The following SPAG17 variants were observed in gnomAD, a reference collection of about 807,000 sequenced individuals.
The protein encoded by SPAG17 is sperm associated antigen 17.
Under a neutral mutation model 273.6 loss-of-function variants are expected in SPAG17, and 169 were observed. That is an observed-to-expected ratio of 0.62 (90% CI 0.55 to 0.70). The LOEUF is 0.70. Ranked by LOEUF, SPAG17 falls within the 30% of genes least tolerant of loss-of-function variation. The pLI is 0.00. For synonymous variants in SPAG17, 825 were observed against 873.2 expected (o/e 0.94, Z 0.97); for missense variants, 2,557 against 2,627.8 (o/e 0.97, Z 0.59).
In SPAG17 at chr1:117,966,670, G is replaced by A; in HGVS notation, c.6471C>T (p.His2157=). The change falls in exon 47 of 49, where the codon CAC becomes CAT. Residue 2157 remains histidine, a synonymous_variant. Transcript: ENST00000336338. Reference sequence around the variant, plus strand: ...TCATAATCTCGATATTGTGAGAGATGTGTGCTGATCCCTTGGCCCCATCCT... The same window carrying A: ...TCATAATCTCGATATTGTGAGAGATATGTGCTGATCCCTTGGCCCCATCCT... ...VGEDGAKGSA[H]ISHNIEIMTE... is the part of the protein sequence containing the mutation. 1 of 1,613,890 alleles carries A rather than the reference G, an allele frequency of 6.2e-7. No homozygotes were observed. Among genetic ancestry groups the A allele is most frequent in the Non-Finnish European group, 8.5e-7 (1 of 1,179,854 alleles).
At chr1:118,086,471 A>C (rs996408838) in intron 12 of SPAG17, among the ~76,000 whole-genome samples, 200 bp downstream of exon 12, 16 of 152,206 alleles carry the variant, frequency 1.1e-4, no homozygotes, top group African/African-American at 3.9e-4. Flanking sequence ...CTCAATAATC[A>C]GGCAAATTTC....
At chr1:117,964,227 G>T in intron 47 of SPAG17, 14 of 175,284 alleles carry the variant, frequency 8.0e-5, no homozygotes, top group East Asian at 2.7e-4. Context: ...ATCTACATCA[G>T]ATTTCATGCT....
At chr1:118,098,484 A>G (rs1655856049) in intron 6 of SPAG17, among the ~76,000 whole-genome samples, 1 of 151,818 alleles carries the variant, frequency 6.6e-6, no homozygotes, top group Non-Finnish European at 1.5e-5. Flanking sequence ...ATTCTATTAT[A>G]AAGTCTATTT....
intron 43 of SPAG17, among the ~76,000 whole-genome samples, chr1:117,978,094 A>G (rs528993525): frequency 3.0e-4 from 45 of 152,272 alleles, no homozygotes; most frequent in African/African-American, 1.1e-3. Flanking sequence ...CTTCTAGCTT[A>G]TTATTCTGTC....
intron 4 of SPAG17, among the ~76,000 whole-genome samples, chr1:118,113,544 A>C (rs1373873529): frequency 1.3e-5 from 2 of 152,008 alleles, no homozygotes. Context: ...TTTATTTAGC[A>C]CTTACTCATA....
chr1:118,172,183 G>C (rs1299752356), intron 1 of SPAG17, among the ~76,000 whole-genome samples: 1 of 152,140 alleles, frequency 6.6e-6, no homozygotes, highest in Non-Finnish European at 1.5e-5. Flanking sequence ...TATTATAGTA[G>C]ATGTTTCCAA....
chr1:118,183,400 C>A (rs1345481454), intron 1 of SPAG17, among the ~76,000 whole-genome samples: 1 of 152,054 alleles, frequency 6.6e-6, no homozygotes, highest in Non-Finnish European at 1.5e-5. Flanking sequence ...GGGAATTATT[C>A]TTTTAGATCA....
chr1:118,056,696 G>A (rs1383091259), intron 18 of SPAG17, among the ~76,000 whole-genome samples: 1 of 152,126 alleles, frequency 6.6e-6, no homozygotes, highest in East Asian at 1.9e-4. Flanking sequence ...AAAGCTAGAT[G>A]GCTTATATAC....
At position 118,091,413 on chromosome 1, in the gene SPAG17, C is replaced by T. The variant is rs369576707; in HGVS notation, c.1359+193G>A. Among the ~76,000 whole-genome samples the T allele has an allele frequency of 1.1e-4, 17 of 152,214 alleles. No homozygotes were observed. In the South Asian group the frequency reaches 1.2e-3, roughly 11 times the overall value. ...GAATGTTACATAAATGGCTTCAGAG[C>T]ATAGCAAAAGAAAAGAGAATTGAAG... On this transcript the variant is annotated intron_variant, in intron 10 of 48. Coordinates refer to ENST00000336338, the MANE Select transcript of SPAG17 (RefSeq NM_206996.4).
chr1:118,173,725 G>T (rs915089775), intron 1 of SPAG17, among the ~76,000 whole-genome samples: 3 of 152,048 alleles, frequency 2.0e-5, no homozygotes, highest in Non-Finnish European at 2.9e-5. Context: ...AGCTGGGTGT[G>T]GTGGCATATA....
intron 7 of SPAG17, 73 bp from the exon 8 acceptor site, chr1:118,093,390 T>TG: frequency 7.1e-7 from 1 of 1,416,362 alleles, no homozygotes; most frequent in Non-Finnish European, 9.5e-7. Context: ...GGTATATATC[T>TG]CTTAACAGTT....
At chr1:117,962,602 T>G (rs1269014554) in intron 48 of SPAG17, 1 of 152,024 alleles carries the variant, frequency 6.6e-6, no homozygotes, top group African/African-American at 2.4e-5. Flanking sequence ...TTTAGGCTTA[T>G]TTTTAAAAAT....
At chr1:118,006,458 T>C (rs1172931423) in intron 31 of SPAG17, among the ~76,000 whole-genome samples, 1 of 152,266 alleles carries the variant, frequency 6.6e-6, no homozygotes, top group African/African-American at 2.4e-5. Flanking sequence ...TAATATTCCA[T>C]TGTATGGCTA....
chr1:118,051,085 C>T (rs545505261), intron 20 of SPAG17, among the ~76,000 whole-genome samples: 7 of 151,882 alleles, frequency 4.6e-5, no homozygotes, highest in Non-Finnish European at 1.0e-4. Flanking sequence ...GCAAAGGACC[C>T]GAGCAGACAT....
chr1:118,159,437 A>G (rs972492666), intron 1 of SPAG17, among the ~76,000 whole-genome samples: 1 of 152,174 alleles, frequency 6.6e-6, no homozygotes, highest in African/African-American at 2.4e-5. Flanking sequence ...AAAATTATGA[A>G]TCTATTAATA....
chr1:117,984,814 A>G lies in SPAG17; in HGVS notation c.5670-32T>C, dbSNP rs1181749411. 7 of 1,356,054 alleles carry G rather than the reference A, an allele frequency of 5.2e-6. No individual in the cohort carries two copies. The East Asian group carries it at 6.9e-5, about 13-fold the overall frequency. 84.0% of individuals were successfully genotyped at this position (1,356,054 alleles called of 1,614,324 possible). ...GATGTTTCCATGATGATGCAAAAGAAGACATAGAATATTTTAAAGTGTTGT... is the reference window on the plus strand; with the variant it reads ...GATGTTTCCATGATGATGCAAAAGAGGACATAGAATATTTTAAAGTGTTGT... On this transcript the variant is annotated intron_variant, in intron 40 of 48. Transcript: ENST00000336338.
chr1:118,084,395 G>A (rs1654831426), intron 13 of SPAG17, among the ~76,000 whole-genome samples: 1 of 152,200 alleles, frequency 6.6e-6, no homozygotes, highest in Admixed American at 6.5e-5. Context: ...ATGCTTCCTT[G>A]TCAAGTAAAG....
Position 118,128,126 on chromosome 1 carries a change from GA to G in SPAG17, c.316-12686del, listed in dbSNP as rs531982552. On this transcript the variant is annotated intron_variant, in intron 3 of 48. Coordinates refer to ENST00000336338, the MANE Select transcript of SPAG17 (RefSeq NM_206996.4). ...ACACAGCAAGATTCCATTTCAAAAA[GA>G]AAAAAAAAAAAAGATTCCTAGGCAT... Among the ~76,000 whole-genome samples, 684 of 129,912 alleles carry G rather than the reference GA, an allele frequency of 5.3e-3. 1 individual carries two copies. Among genetic ancestry groups the G allele is most frequent in the African/African-American group, 6.8e-3 (238 of 35,178 alleles). 85.2% of individuals were successfully genotyped at this position (129,912 alleles called of 152,430 possible).
chr1:118,185,199 G>A lies in SPAG17; in HGVS notation c.-42C>T, dbSNP rs368142390. The A allele has an allele frequency of 3.9e-5, 60 of 1,531,728 alleles. No homozygotes were observed. The highest frequency in any genetic ancestry group is 5.4e-5 in the Non-Finnish European group (60 of 1,105,234). 94.9% of individuals were successfully genotyped at this position (1,531,728 alleles called of 1,614,324 possible). On this transcript the variant is annotated 5_prime_UTR_variant, in exon 1 of 49. Coordinates refer to ENST00000336338, the MANE Select transcript of SPAG17 (RefSeq NM_206996.4). ...GCATTGGCCTCTAAACTGGGCGCAG[G>A]CCCTGCCTAAGCGTCCCCGCTACCA...
Sources: allele counts gnomAD v4.1 joint callset (sites outside exome capture counted in the v4.1 genomes callset), GRCh38; gene constraint gnomAD v4.1.1; transcripts MANE v1.5; gene names NCBI Gene and HGNC (gene_info 2026-07-23, HGNC 2026-07-21).